Variants in MTOR observed in about 807,000 individuals in gnomAD.
MTOR encodes mechanistic target of rapamycin kinase.
A neutral mutation model predicts 319.8 loss-of-function variants in MTOR; 70 were observed. The ratio of observed to expected loss-of-function variants is 0.22; its 90% CI spans 0.18 to 0.27. MTOR has a LOEUF of 0.27. Among genes scored for constraint, MTOR ranks in the 10% least tolerant of loss-of-function variants. The pLI is 1.00. For missense variants in MTOR, 1,890 were observed against 3,274.4 expected (o/e 0.58, Z 10.32); for synonymous variants, 1,183 against 1,211.4 (o/e 0.98, Z 0.49).
Position 11,128,733 on chromosome 1 carries a change from C to T in MTOR, c.5811+122G>A. The stretch of plus-strand genomic sequence containing the variant: ...GGACACTTGACACTGGGACCGAGCC[C>T]TACTTCCTTAGCACTGTATTAACAC... On this transcript the variant is annotated intron_variant, in intron 41 of 57. Transcript: ENST00000361445. This position sits in a 1 kb window ranked among gnomAD's most constrained non-coding sequence, Gnocchi z 5.3. The T allele has an allele frequency of 9.7e-7, 1 of 1,031,080 alleles. No individual in the cohort carries two copies. Among genetic ancestry groups the T allele is most frequent in the South Asian group, 1.5e-5 (1 of 68,722 alleles). 63.9% of individuals were successfully genotyped at this position (1,031,080 alleles called of 1,614,324 possible).
At position 11,127,896 on chromosome 1, in the gene MTOR, C is replaced by A. The variant is rs1349245172; in HGVS notation, c.6034-90G>T. On this transcript the variant is annotated intron_variant, in intron 43 of 57. Transcript: ENST00000361445. The surrounding 1 kb of genome is among the most constrained non-coding windows in gnomAD (Gnocchi z 5.5). ...GAGACACAGGAGGTACTATTTCCAGCAGTCAGAGGAAGTGCACAGCACCAA... is the reference window on the plus strand; with the variant it reads ...GAGACACAGGAGGTACTATTTCCAGAAGTCAGAGGAAGTGCACAGCACCAA... 2.5e-6 allele frequency: 4 copies of A among 1,577,164 alleles called. No individual in the cohort carries two copies. The East Asian group carries it at 6.7e-5, about 27-fold the overall frequency.
At chr1:11,190,836 T>C (rs754422427) in intron 28 of MTOR, among the ~76,000 whole-genome samples, 23 of 152,308 alleles carry the variant, frequency 1.5e-4, no homozygotes, top group Non-Finnish European at 3.1e-4. Flanking sequence ...CATTATAAAC[T>C]ACATGAAGAA....
chr1:11,196,859 A>G (rs28990671), intron 28 of MTOR, among the ~76,000 whole-genome samples: 6,421 of 151,738 alleles, frequency 0.042, 207 homozygotes, highest in Non-Finnish European at 0.062. Flanking sequence ...TAAAAAAAAA[A>G]AAAAGAAAAG....
intron 10 of MTOR, 128 bp from the exon 11 acceptor site, chr1:11,240,675 A>G (rs1647888108): frequency 8.2e-7 from 1 of 1,213,302 alleles, no homozygotes; most frequent in South Asian, 1.7e-5. Context: ...AGGATATTAT[A>G]AAATAAGAAT....
In MTOR at chr1:11,157,286, G is replaced by A. The variant is rs1244186976; in HGVS notation, c.4335C>T (p.Ile1445=). The A allele has an allele frequency of 1.2e-6, 2 of 1,612,698 alleles. No individual in the cohort carries two copies. The highest frequency in any genetic ancestry group is 2.2e-5 in the South Asian group (2 of 90,842). The change falls in exon 30 of 58, where the codon ATC becomes ATT. Residue 1445 remains isoleucine (I), a synonymous_variant. Transcript: ENST00000361445. ...YAMKHFGELE[I]QATWYEKLHE... is the part of the protein sequence containing the mutation. ...GCAGTTTCTCATACCAGGTAGCCTG[G>A]ATCTCCTGTTACATGGGAAAGAAAG...
intron 19 of MTOR, among the ~76,000 whole-genome samples, chr1:11,219,048 G>A (rs72856940): frequency 0.059 from 8,951 of 151,902 alleles, 372 homozygotes; most frequent in South Asian, 0.12. Flanking sequence ...GTCTCTACCA[G>A]AAGTACAAAA....
At chr1:11,124,980 C>T (rs1311994972) in intron 46 of MTOR, among the ~76,000 whole-genome samples, 1 of 151,794 alleles carries the variant, frequency 6.6e-6, no homozygotes, top group Non-Finnish European at 1.5e-5. Context: ...CCCACTTGGG[C>T]GTGGCCAATG....
rs573104161 is a variant in MTOR at position 11,238,635 on chromosome 1, G to A, written c.1787-18C>T. 29 of 1,591,270 alleles carry A rather than the reference G, an allele frequency of 1.8e-5. No homozygotes were observed. The highest frequency in any genetic ancestry group is 2.5e-5 in the Non-Finnish European group (29 of 1,164,092). ...AGAGTGGCCTGGATAGAAAGGCAGA[G>A]AGAAAACAGAATAAACACTGCTGCT... On this transcript the variant is annotated intron_variant, in intron 11 of 57. Coordinates refer to ENST00000361445, the MANE Select transcript of MTOR (RefSeq NM_004958.4).
intron 6 of MTOR, among the ~76,000 whole-genome samples, chr1:11,251,655 C>CTTTTT (rs761523542): frequency 1.9e-3 from 218 of 113,676 alleles, no homozygotes; most frequent in South Asian, 5.2e-3. Context: ...TAGATAGTTT[C>CTTTTT]TTTTTTTTTT....
intron 8 of MTOR, among the ~76,000 whole-genome samples, chr1:11,244,360 C>T (rs189687842): frequency 1.2e-4 from 18 of 148,974 alleles, no homozygotes; most frequent in Admixed American, 8.8e-4. Context: ...GGGTCGGGCG[C>T]GGTGGCTCAC....
In MTOR at chr1:11,243,196, C is replaced by T. The variant is rs1286665342; in HGVS notation, c.1330G>A (p.Val444Met). Residue 444 changes from valine (V) to methionine (M), a missense_variant, in exon 9 of 58, where the codon GTG (valine) becomes ATG (methionine). Physicochemically the swap from Val to Met is conservative, Grantham distance 21. Around this residue, in one of 15 missense-constraint regions of MTOR, gnomAD observed 418 missense variants for 543.1 expected, o/e 0.77. Coordinates refer to ENST00000361445, the MANE Select transcript of MTOR (RefSeq NM_004958.4). ...AAATAGACCTTAAACTCAGACCTCACAGCCACAGAAAGTAGCCCCAGGGCT... is the reference window on the plus strand; with the variant it reads ...AAATAGACCTTAAACTCAGACCTCATAGCCACAGAAAGTAGCCCCAGGGCT... ...FQALGLLSVA[V>M]RSEFKVYLPR... 1.2e-6 allele frequency: 2 copies of T among 1,614,166 alleles called. No individual in the cohort carries two copies. The highest frequency in any genetic ancestry group is 1.3e-5 in the African/African-American group (1 of 75,042).
intron 29 of MTOR, among the ~76,000 whole-genome samples, chr1:11,159,561 A>C (rs928242280): frequency 2.6e-5 from 4 of 152,048 alleles, no homozygotes; most frequent in Non-Finnish European, 5.9e-5. Context: ...GAATCGCTTG[A>C]ACCCAGGAGA....
At chr1:11,234,068 C>G in intron 14 of MTOR, 75 bp downstream of exon 14, 1 of 1,606,862 alleles carries the variant, frequency 6.2e-7, no homozygotes, top group South Asian at 1.1e-5. Flanking sequence ...CTAGTGAACA[C>G]TGAAACACTC....
At chr1:11,117,219 G>GAGCCAAGATAGCACCACT in intron 49 of MTOR, 133 bp from the exon 50 acceptor site, 1 of 703,732 alleles carries the variant, frequency 1.4e-6, no homozygotes, top group Non-Finnish European at 2.3e-6. Flanking sequence ...GGAAGGCAGT[G>GAGCCAAGATAGCACCACT]GTGCTATCTT....
chr1:11,168,211 CTT>C (rs561757972), intron 28 of MTOR, among the ~76,000 whole-genome samples: 31 of 142,230 alleles, frequency 2.2e-4, no homozygotes, highest in Non-Finnish European at 1.7e-4. Flanking sequence ...CTCCTCTGAA[CTT>C]TTTTTTTTTT....
intron 30 of MTOR, among the ~76,000 whole-genome samples, chr1:11,156,822 A>G (rs1381798043): frequency 6.6e-6 from 1 of 152,188 alleles, no homozygotes; most frequent in Non-Finnish European, 1.5e-5. Flanking sequence ...TAATTTTAAA[A>G]ATCAAGGTTG....
intron 30 of MTOR, among the ~76,000 whole-genome samples, chr1:11,156,077 G>A (rs1325698144): frequency 3.9e-5 from 6 of 152,056 alleles, no homozygotes; most frequent in Admixed American, 6.6e-5. Flanking sequence ...TGCAACCTCC[G>A]CCTCCCGGGT....
At position 11,199,636 on chromosome 1, in the gene MTOR, T is replaced by C. The variant is rs2100746685; in HGVS notation, c.4012A>G (p.Ile1338Val). Residue 1338 changes from isoleucine (I) to valine (V), a missense_variant, in exon 27 of 58, where the codon ATC (isoleucine) becomes GTC (valine). This residue lies in a region of MTOR where 49 missense variants were observed against 119.1 expected (regional missense o/e 0.41). Transcript: ENST00000361445. This position sits in a 1 kb window ranked among gnomAD's most constrained non-coding sequence, Gnocchi z 4.5. The stretch of plus-strand genomic sequence containing the variant: ...GTGAGGGCCAACTCGATGCTTCTGA[T>C]GAGCTCATCCTGTTGATCTTCATTC... Reference protein sequence around the residue: ...ELNEDQQDELIRSIELALTSQ... With the variant: ...ELNEDQQDELVRSIELALTSQ... 6.2e-7 allele frequency: 1 copy of C among 1,614,226 alleles called. No individual in the cohort carries two copies. The highest frequency in any genetic ancestry group is 2.2e-5 in the East Asian group (1 of 44,884).
intron 29 of MTOR, among the ~76,000 whole-genome samples, chr1:11,159,231 G>A (rs1235525727): frequency 1.3e-5 from 2 of 152,124 alleles, no homozygotes; most frequent in Non-Finnish European, 2.9e-5. Flanking sequence ...TACATGAAGT[G>A]CCCTCTCGCC....
Sources: gnomAD v4.1 joint callset for allele counts (sites outside exome capture counted in the v4.1 genomes callset) on GRCh38, gnomAD v4.1.1 for gene constraint, gnomAD v4.1.1 regional missense constraint, Gnocchi (gnomAD v3.1) non-coding constraint, MANE v1.5 for transcripts, NCBI Gene and HGNC (gene_info 2026-07-23, HGNC 2026-07-21) for gene names.